Variants in PIP5K1C observed in about 807,000 individuals in gnomAD.
The protein encoded by PIP5K1C is phosphatidylinositol-4-phosphate 5-kinase type 1 gamma.
PIP5K1C carries 45 observed loss-of-function variants against 80.1 expected under a neutral mutation model. That is an observed-to-expected ratio of 0.56 (90% confidence interval 0.44 to 0.72). The LOEUF (loss-of-function observed/expected upper bound fraction) is 0.72. Among genes scored for constraint, PIP5K1C ranks in the 30% least tolerant of loss-of-function variants. The pLI, the probability that PIP5K1C is intolerant of heterozygous loss-of-function variation, is 0.00. For synonymous variants in PIP5K1C, 498 were observed against 420.1 expected (o/e 1.19, Z -2.27); for missense variants, 753 against 954.6 (o/e 0.79, Z 2.78).
At chr19:3,674,591 C>T (rs1259336711) in intron 1 of PIP5K1C, among the ~76,000 whole-genome samples, 1 of 152,150 alleles carries the variant, frequency 6.6e-6, no homozygotes, top group Non-Finnish European at 1.5e-5. Flanking sequence ...CAGCCTCCGC[C>T]TCCCGGGTTC....
At chr19:3,642,004 G>A (rs1395214535) in intron 14 of PIP5K1C, among the ~76,000 whole-genome samples, 195 bp from the exon 15 acceptor site, 3 of 152,190 alleles carry the variant, frequency 2.0e-5, no homozygotes, top group African/African-American at 4.8e-5. Flanking sequence ...GTGCCAGCAG[G>A]GCCTGGGGTG....
intron 1 of PIP5K1C, among the ~76,000 whole-genome samples, chr19:3,674,473 C>T (rs553230509): frequency 7.7e-4 from 117 of 152,060 alleles, no homozygotes; most frequent in African/African-American, 2.7e-3. Context: ...CTGCCTCAGC[C>T]TCCCCCGAGT....
intron 1 of PIP5K1C, among the ~76,000 whole-genome samples, chr19:3,699,252 C>T (rs1424402445): frequency 6.7e-6 from 1 of 148,934 alleles, no homozygotes; most frequent in Admixed American, 6.9e-5. Flanking sequence ...AGGCCACTGG[C>T]TCTGGGGAAG....
intron 10 of PIP5K1C, among the ~76,000 whole-genome samples, chr19:3,646,752 G>A (rs538878877): frequency 2.6e-5 from 4 of 152,284 alleles, no homozygotes; most frequent in South Asian, 2.1e-4. Context: ...CCTTCTACAC[G>A]CTCTTTTGAA....
intron 1 of PIP5K1C, among the ~76,000 whole-genome samples, chr19:3,694,992 G>C (rs1050010326): frequency 6.6e-6 from 1 of 152,258 alleles, no homozygotes; most frequent in African/African-American, 2.4e-5. Flanking sequence ...GCTGCAGCGT[G>C]GGGGCCACCA....
At position 3,643,293 on chromosome 19, in the gene PIP5K1C, G is replaced by GAGGGATGTGGATGAC; in HGVS notation, c.1584_1598dup (p.Ser530_Ser534dup). 6.2e-7 allele frequency: 1 copy of GAGGGATGTGGATGAC among 1,614,036 alleles called. No homozygotes were observed. Among genetic ancestry groups the GAGGGATGTGGATGAC allele is most frequent in the Non-Finnish European group, 8.5e-7 (1 of 1,179,968 alleles). ...CCGAGGGGGACCGCTCAGGAATGGA[G>GAGGGATGTGGATGAC]AGGGATGTGGATGACAGAGTCGTGG... On this transcript the variant is annotated inframe_insertion, in exon 13 of 18. Transcript: ENST00000335312.
rs1258541594 is a variant in PIP5K1C at position 3,656,309 on chromosome 19, TGCCTGCTTGCCCAA to T, written c.621+82_621+95del. The T allele has an allele frequency of 2.5e-5, 36 of 1,415,736 alleles. 1 individual carries two copies. In the African/African-American group the frequency reaches 3.1e-4, roughly 12 times the overall value. The allele number at this position is 1,415,736 out of a possible 1,614,324, so 87.7% of individuals were successfully genotyped here. A position where few individuals can be genotyped will look rare whatever the true frequency, so the allele number is the denominator to read the frequency against. ...GATGCCTCTCACCACGCCCCAAGGA[TGCCTGCTTGCCCAA>T]GCCTTGCAGACATCTGCTCCCGCCA... On this transcript the variant is annotated intron_variant, in intron 6 of 17. Transcript: ENST00000335312.
intron 2 of PIP5K1C, among the ~76,000 whole-genome samples, chr19:3,666,682 C>T (rs1296005895): frequency 6.6e-6 from 1 of 151,900 alleles, no homozygotes; most frequent in African/African-American, 2.4e-5. Flanking sequence ...CAAACGTGCA[C>T]ACACACAGGC....
intron 3 of PIP5K1C, among the ~76,000 whole-genome samples, chr19:3,663,541 G>C (rs1454228238): frequency 6.6e-6 from 1 of 152,220 alleles, no homozygotes; most frequent in Admixed American, 6.5e-5. Context: ...CAAACCACAG[G>C]GGGGCCACGC....
chr19:3,664,950 G>A, intron 2 of PIP5K1C, 36 bp from the exon 3 acceptor site: 1 of 1,514,438 alleles, frequency 6.6e-7, no homozygotes. Flanking sequence ...AACTCCCTAA[G>A]GAGCACGCCC....
At chr19:3,635,431 C>A (rs2033642878) in intron 16 of PIP5K1C, among the ~76,000 whole-genome samples, 1 of 152,222 alleles carries the variant, frequency 6.6e-6, no homozygotes, top group African/African-American at 2.4e-5. Context: ...CGCCTGTAAT[C>A]CCAGAACTTT....
intron 16 of PIP5K1C, 138 bp from the exon 17 acceptor site, chr19:3,633,658 C>T: frequency 1.9e-6 from 1 of 533,152 alleles, no homozygotes; most frequent in Non-Finnish European, 2.9e-6. Flanking sequence ...GTGGCTCAGC[C>T]CAGCTGCCCT....
rs1236947919 is a variant in PIP5K1C at position 3,688,377 on chromosome 19, CG to C, written c.94+11919del. The stretch of plus-strand genomic sequence containing the variant: ...CGCAGGAGCTCCTGTTCCTCACCTG[CG>C]AGGGGGGGACGGCCTCTGGCCCCCT... On this transcript the variant is annotated intron_variant, in intron 1 of 17. Coordinates refer to ENST00000335312, the MANE Select transcript of PIP5K1C (RefSeq NM_012398.3). This position sits in a 1 kb window ranked among gnomAD's most constrained non-coding sequence, Gnocchi z 5.3. 6.6e-6 allele frequency among the ~76,000 whole-genome samples: 1 copy of C among 152,118 alleles called. No individual in the cohort carries two copies. Among genetic ancestry groups the C allele is most frequent in the Non-Finnish European group, 1.5e-5 (1 of 68,006 alleles).
At chr19:3,636,769 C>T (rs1006256695) in intron 16 of PIP5K1C, 27 of 986,390 alleles carry the variant, frequency 2.7e-5, no homozygotes, top group Admixed American at 6.1e-5. Flanking sequence ...GCGGCCTCGG[C>T]GGAGGCTTTG....
intron 5 of PIP5K1C, among the ~76,000 whole-genome samples, chr19:3,657,995 G>A (rs1285677628): frequency 1.3e-5 from 2 of 152,144 alleles, no homozygotes; most frequent in Non-Finnish European, 2.9e-5. Flanking sequence ...CCAGGGGCTT[G>A]AGGCGTGAGT....
chr19:3,657,414 C>T (rs141730164), intron 5 of PIP5K1C, among the ~76,000 whole-genome samples: 136 of 152,274 alleles, frequency 8.9e-4, no homozygotes, highest in Non-Finnish European at 1.4e-3. Flanking sequence ...ATCTGTGTCA[C>T]GCCCTTTAAA....
At chr19:3,638,056 C>G in intron 16 of PIP5K1C, 1 of 1,464,504 alleles carries the variant, frequency 6.8e-7, no homozygotes, top group Non-Finnish European at 9.0e-7. Context: ...GAGGTGCCCC[C>G]ACAACAGGCC....
chr19:3,651,686 A>G, intron 8 of PIP5K1C, 140 bp downstream of exon 8: 1 of 859,372 alleles, frequency 1.2e-6, no homozygotes, highest in Non-Finnish European at 1.9e-6. Context: ...CGCTGGCACA[A>G]GGCTCCCAGA....
intron 1 of PIP5K1C, among the ~76,000 whole-genome samples, chr19:3,678,470 A>C (rs2035473327): frequency 2.2e-5 from 2 of 90,566 alleles, no homozygotes; most frequent in Admixed American, 1.1e-4. Context: ...TGGAGGATGG[A>C]GGGATGGAGG....
Sources: gnomAD v4.1 joint callset for allele counts (sites outside exome capture counted in the v4.1 genomes callset) on GRCh38, gnomAD v4.1.1 for gene constraint, Gnocchi (gnomAD v3.1) non-coding constraint, MANE v1.5 for transcripts, NCBI Gene and HGNC (gene_info 2026-07-23, HGNC 2026-07-21) for gene names.